ARAP1: variants seen among roughly 807,000 people sequenced by gnomAD.
ARAP1 encodes the protein ArfGAP with RhoGAP domain, ankyrin repeat and PH domain 1, also known as arf-GAP with Rho-GAP domain, ANK repeat and PH domain-containing protein 1.
Under a neutral mutation model 172.2 loss-of-function variants are expected in ARAP1, and 76 were observed. That is an observed-to-expected ratio of 0.44 (90% CI 0.37 to 0.53). The LOEUF (loss-of-function observed/expected upper bound fraction) is 0.53, where lower values mean the gene tolerates loss of function less well. Among genes scored for constraint, ARAP1 ranks in the 20% least tolerant of loss-of-function variants. The pLI is 0.00. For synonymous variants in ARAP1, 804 were observed against 803.3 expected (o/e 1.00, Z -0.01); for missense variants, 1,686 against 1,977.5 (o/e 0.85, Z 2.80).
At chr11:72,738,272 G>T (rs751399083) in intron 1 of ARAP1, among the ~76,000 whole-genome samples, 3 of 152,188 alleles carry the variant, frequency 2.0e-5, no homozygotes, top group African/African-American at 7.2e-5. Context: ...CTGGCCCTCC[G>T]TCACCTGCAT....
chr11:72,688,068 C>T (rs543791883), intron 31 of ARAP1, among the ~76,000 whole-genome samples: 33 of 152,148 alleles, frequency 2.2e-4, no homozygotes, highest in African/African-American at 7.5e-4. Flanking sequence ...GTCGTGACTA[C>T]GGATCACTGC....
chr11:72,738,293 C>T (rs577072457), intron 1 of ARAP1, among the ~76,000 whole-genome samples: 1 of 152,266 alleles, frequency 6.6e-6, no homozygotes, highest in East Asian at 1.9e-4. Context: ...AGTCTGCTGA[C>T]CGTGTGGGTG....
At position 72,692,838 on chromosome 11, in the gene ARAP1, A is replaced by G. The variant is rs1375813396; in HGVS notation, c.3955-53T>C. The stretch of plus-strand genomic sequence containing the variant: ...AAGAAGTCCCAGGTCTAGAGCCAGG[A>G]CAGCATGTGCAGTGATGTGTGGGGT... On this transcript the variant is annotated intron_variant, in intron 29 of 34. Transcript: ENST00000393609. The G allele has an allele frequency of 2.5e-6, 4 of 1,607,862 alleles. No individual in the cohort carries two copies. In the East Asian group the frequency reaches 8.9e-5, roughly 36 times the overall value.
rs201875972 is a variant in ARAP1, at chr11:72,712,152, C to T, written c.1022+44G>A. ...CTGGGGTCCTGGACACTGCCCCCCA[C>T]CCCCCCATGCAGAGCACAGCAGGAC... On this transcript the variant is annotated intron_variant, in intron 7 of 34. Transcript: ENST00000393609. The T allele has an allele frequency of 2.6e-4, 392 of 1,506,566 alleles. 2 individuals carry two copies. Among genetic ancestry groups the T allele is most frequent in the Non-Finnish European group, 5.7e-5 (65 of 1,133,760 alleles). 93.3% of individuals were successfully genotyped at this position (1,506,566 alleles called of 1,614,324 possible). A position where few individuals can be genotyped will look rare whatever the true frequency, so the allele number is the denominator to read the frequency against.
chr11:72,726,684 G>A lies in ARAP1; in HGVS notation c.445C>T (p.His149Tyr). 1.9e-6 allele frequency: 3 copies of A among 1,547,218 alleles called. No individual in the cohort carries two copies. Among genetic ancestry groups the A allele is most frequent in the Non-Finnish European group, 2.6e-6 (3 of 1,144,836 alleles). The stretch of plus-strand genomic sequence containing the variant: ...GGTGGAACGCTCAGCTCTGCCAAAT[G>A]CCGCTTAGCAGGCAGCGGGGGCAGC... Reference protein sequence around the residue: ...PVLPPLPAKRHLAELSVPPVP... With the variant: ...PVLPPLPAKRYLAELSVPPVP... The change falls in exon 3 of 35, where the codon CAT (histidine) becomes TAT (tyrosine). Residue 149 changes from histidine (H) to tyrosine (Y), a missense_variant. Physicochemically the swap from His to Tyr is moderately conservative, Grantham distance 83. Coordinates refer to ENST00000393609, the MANE Select transcript of ARAP1 (RefSeq NM_001040118.3). The surrounding 1 kb of genome is among the most constrained non-coding windows in gnomAD (Gnocchi z 6.5).
At chr11:72,721,295 AC>A (rs985757405) in intron 3 of ARAP1, among the ~76,000 whole-genome samples, 1 of 152,046 alleles carries the variant, frequency 6.6e-6, no homozygotes, top group Non-Finnish European at 1.5e-5. Context: ...CTCCATAAGC[AC>A]CCACCACAGC....
At chr11:72,747,056 C>T (rs927470597) in intron 1 of ARAP1, among the ~76,000 whole-genome samples, 10 of 152,302 alleles carry the variant, frequency 6.6e-5, no homozygotes, top group Non-Finnish European at 1.3e-4. Flanking sequence ...TCTTCTGTCC[C>T]GGGGGTTAAG....
chr11:72,695,790 C>A lies in ARAP1; in HGVS notation c.3348G>T (p.Gln1116His). The change falls in exon 24 of 35, where the codon CAG (glutamine) becomes CAT (histidine). Residue 1116 changes from glutamine to histidine, a missense_variant. Gln to His is a conservative substitution (Grantham distance 24). Around this residue, in one of 5 missense-constraint regions of ARAP1, gnomAD observed 379 missense variants for 500.1 expected, o/e 0.76. Transcript: ENST00000393609. The surrounding 1 kb of genome is among the most constrained non-coding windows in gnomAD (Gnocchi z 4.4). ...CAGCCTTGTAGTCCTGCCCATCTGT[C>A]TGGAAGAGCGTGGGCCCAAACACAA... ...LAIVFGPTLF[Q>H]TDGQDYKAGR... 1 of 1,614,182 alleles carries A rather than the reference C, an allele frequency of 6.2e-7. No individual in the cohort carries two copies. Among genetic ancestry groups the A allele is most frequent in the Non-Finnish European group, 8.5e-7 (1 of 1,180,026 alleles).
At chr11:72,728,089 A>G (rs1857752083) in intron 2 of ARAP1, among the ~76,000 whole-genome samples, 1 of 152,238 alleles carries the variant, frequency 6.6e-6, no homozygotes, top group African/African-American at 2.4e-5. Context: ...AAGAATATCC[A>G]TTTTACTGTT....
In ARAP1 at chr11:72,709,928, T is replaced by C; in HGVS notation, c.1465A>G (p.Asn489Asp). 6.2e-7 allele frequency: 1 copy of C among 1,614,072 alleles called. No individual in the cohort carries two copies. The highest frequency in any genetic ancestry group is 1.3e-5 in the African/African-American group (1 of 74,992). The change falls in exon 11 of 35, where the codon AAC becomes GAC. Residue 489 changes from asparagine to aspartate, a missense_variant. Asn to Asp is a conservative substitution (Grantham distance 23). Coordinates refer to ENST00000393609, the MANE Select transcript of ARAP1 (RefSeq NM_001040118.3). ...CTGCGCCGGTCCACTTCCTTCACGT[T>C]GCCCACGCTCATGTCGATGAAGGTG... ...GITFIDMSVG[N>D]VKEVDRRSFD...
Position 72,712,192 on chromosome 11 carries a change from T to C in ARAP1, c.1022+4A>G, listed in dbSNP as rs1200480108. 6.3e-7 allele frequency: 1 copy of C among 1,594,184 alleles called. No homozygotes were observed. The highest frequency in any genetic ancestry group is 8.5e-7 in the Non-Finnish European group (1 of 1,172,880). ...CACAGCAGGACCCAAGAGGCCTCACTCACCCCTGCGGTGGGTTCTTGTCCA... is the reference window on the plus strand; with the variant it reads ...CACAGCAGGACCCAAGAGGCCTCACCCACCCCTGCGGTGGGTTCTTGTCCA... On this transcript the variant is annotated splice_donor_region_variant and intron_variant, in intron 7 of 34. Transcript: ENST00000393609.
rs111787770 is a variant in ARAP1 at position 72,685,732 on chromosome 11, T to C, written c.4336-51A>G. On this transcript the variant is annotated intron_variant, in intron 34 of 34. Transcript: ENST00000393609. ...GTATTTTGTGAAGGCCCAGAGGGGC[T>C]GGCGCCCCGCTGAAGCTGCTGCAGC... 5.0e-6 allele frequency: 8 copies of C among 1,611,516 alleles called. No individual in the cohort carries two copies. The African/African-American group carries it at 8.0e-5, about 16-fold the overall frequency.
intron 3 of ARAP1, among the ~76,000 whole-genome samples, chr11:72,723,953 CT>C (rs1857609297): frequency 6.6e-6 from 1 of 152,188 alleles, no homozygotes; most frequent in Non-Finnish European, 1.5e-5. Flanking sequence ...ATGTCATGTT[CT>C]GCTCAAACAG....
chr11:72,715,852 C>T (rs188457093), intron 3 of ARAP1, among the ~76,000 whole-genome samples: 84 of 152,192 alleles, frequency 5.5e-4, no homozygotes, highest in African/African-American at 2.0e-3. Flanking sequence ...TTCCTTGACC[C>T]TCCTTTATGC....
Position 72,695,596 on chromosome 11 carries a change from C to A in ARAP1, c.3453G>T (p.Glu1151Asp). 2 of 1,614,142 alleles carry A rather than the reference C, an allele frequency of 1.2e-6. No homozygotes were observed. Among genetic ancestry groups the A allele is most frequent in the South Asian group, 2.2e-5 (2 of 91,086 alleles). ...VDEEELRKQR[E>D]EITAIVKMRV... is the part of the protein sequence containing the mutation. ...GCATCTTCACAATGGCAGTGATCTC[C>A]TCCCGCTGCTTCCTGAGCTCTTCCT... Residue 1151 changes from glutamate (E) to aspartate (D), a missense_variant, in exon 25 of 35, where the codon GAG becomes GAT. Transcript: ENST00000393609. This position sits in a 1 kb window ranked among gnomAD's most constrained non-coding sequence, Gnocchi z 4.4.
intron 2 of ARAP1, among the ~76,000 whole-genome samples, chr11:72,729,974 G>C (rs1857810155): frequency 6.7e-6 from 1 of 148,316 alleles, no homozygotes; most frequent in Admixed American, 6.7e-5. Flanking sequence ...TTCTGGAAAT[G>C]AAACAAGTCC....
chr11:72,694,039 T>C (rs1437198052), intron 27 of ARAP1, among the ~76,000 whole-genome samples: 1 of 151,644 alleles, frequency 6.6e-6, no homozygotes, highest in Non-Finnish European at 1.5e-5. Flanking sequence ...ATGCCCATGA[T>C]CTCCACCCCC....
intron 11 of ARAP1, among the ~76,000 whole-genome samples, chr11:72,709,038 CAAAAAGCAAAAAA>C (rs533636885): frequency 0.012 from 651 of 53,450 alleles, 3 homozygotes; most frequent in Admixed American, 0.021. Flanking sequence ...GACTCTGTCT[CAAAAAGCAAAAAA>C]AAAAAAAAAA....
At chr11:72,691,228 C>T (rs376215702) in intron 30 of ARAP1, among the ~76,000 whole-genome samples, 22 of 152,354 alleles carry the variant, frequency 1.4e-4, no homozygotes, top group African/African-American at 4.3e-4. Context: ...CCTCAGAGAA[C>T]AGTAGTAAGG....
Sources: gnomAD v4.1 joint callset for allele counts (sites outside exome capture counted in the v4.1 genomes callset) on GRCh38, gnomAD v4.1.1 for gene constraint, gnomAD v4.1.1 regional missense constraint, Gnocchi (gnomAD v3.1) non-coding constraint, MANE v1.5 for transcripts, NCBI Gene and HGNC (gene_info 2026-07-23, HGNC 2026-07-21) for gene names.